PRLR: variants seen among roughly 807,000 people sequenced by gnomAD.
The protein encoded by PRLR is hPRL receptor.
PRLR carries 13 observed loss-of-function variants against 40.2 expected under a neutral mutation model. The observed-to-expected ratio is 0.32, with a 90% CI of 0.21 to 0.51. The LOEUF is 0.51. Ranked by LOEUF, PRLR falls within the 20% of genes least tolerant of loss-of-function variation. PRLR has a pLI of 0.97. For missense variants in PRLR, 656 were observed against 747.3 expected (o/e 0.88, Z 1.42); for synonymous variants, 269 against 278.7 (o/e 0.97, Z 0.35).
At chr5:35,139,280 G>A (rs1027646338) in intron 1 of PRLR, among the ~76,000 whole-genome samples, 2 of 151,962 alleles carry the variant, frequency 1.3e-5, no homozygotes, top group Non-Finnish European at 2.9e-5. Flanking sequence ...GATTACAGTC[G>A]TGCGCCACCA....
intron 2 of PRLR, among the ~76,000 whole-genome samples, chr5:35,116,147 GATCA>G (rs2111694681): frequency 6.6e-6 from 1 of 152,222 alleles, no homozygotes; most frequent in Non-Finnish European, 1.5e-5. Context: ...GGTCAGGGAA[GATCA>G]ATCAGAGGAA....
At chr5:35,120,758 C>T (rs569414191) in intron 1 of PRLR, among the ~76,000 whole-genome samples, 1 of 152,186 alleles carries the variant, frequency 6.6e-6, no homozygotes, top group Non-Finnish European at 1.5e-5. Flanking sequence ...GAGTACTGTG[C>T]TCATTTCCCT....
At chr5:35,212,729 C>T (rs1776201625) in intron 1 of PRLR, among the ~76,000 whole-genome samples, 1 of 152,102 alleles carries the variant, frequency 6.6e-6, no homozygotes, top group Non-Finnish European at 1.5e-5. Flanking sequence ...GCATGTAAAA[C>T]ATTGAATCCC....
intron 1 of PRLR, among the ~76,000 whole-genome samples, chr5:35,197,424 C>A (rs1775766263): frequency 6.6e-6 from 1 of 152,196 alleles, no homozygotes; most frequent in Non-Finnish European, 1.5e-5. Context: ...TGCGGGGTTC[C>A]CCCTGGGAAG....
rs932361492 is a variant in PRLR, at chr5:35,230,095, C to T, written c.-106+173G>A. On this transcript the variant is annotated intron_variant, in intron 1 of 9. Transcript: ENST00000618457. Reference sequence around the variant, plus strand: ...GGAGGCGGGCGGATCCCGGGCTTCCCCGCCGGCTGCCGACTCTGGCTCCTG... The same window carrying T: ...GGAGGCGGGCGGATCCCGGGCTTCCTCGCCGGCTGCCGACTCTGGCTCCTG... Among the ~76,000 whole-genome samples the T allele has an allele frequency of 5.3e-5, 8 of 152,234 alleles. No individual in the cohort carries two copies. The East Asian group carries it at 1.6e-3, about 30-fold the overall frequency.
intron 1 of PRLR, among the ~76,000 whole-genome samples, chr5:35,178,739 A>G (rs894959761): frequency 7.9e-5 from 12 of 152,184 alleles, no homozygotes; most frequent in Non-Finnish European, 1.6e-4. Flanking sequence ...TAGAAATACC[A>G]TATTTTTTAA....
At chr5:35,214,460 C>T (rs915483376) in intron 1 of PRLR, among the ~76,000 whole-genome samples, 3 of 152,210 alleles carry the variant, frequency 2.0e-5, no homozygotes, top group Non-Finnish European at 4.4e-5. Context: ...GGGGCAAACG[C>T]ATTGAGGATC....
At chr5:35,054,535 T>C (rs1768628202), downstream of PRLR, among the ~76,000 whole-genome samples, 1 of 152,208 alleles carries the variant, frequency 6.6e-6, no homozygotes, top group South Asian at 2.1e-4. Context: ...TATGTATATG[T>C]ACAATTACAG....
intron 3 of PRLR, among the ~76,000 whole-genome samples, 182 bp downstream of exon 3, chr5:35,089,369 C>T (rs1218408171): frequency 2.6e-5 from 4 of 152,172 alleles, no homozygotes; most frequent in African/African-American, 7.2e-5. Flanking sequence ...CAAGATTTTG[C>T]ATTAATTGCA....
intron 1 of PRLR, among the ~76,000 whole-genome samples, chr5:35,123,732 T>C (rs1424601569): frequency 6.6e-6 from 1 of 152,214 alleles, no homozygotes; most frequent in Non-Finnish European, 1.5e-5. Flanking sequence ...GCTTGAGGTC[T>C]TTTAGAATTT....
At chr5:35,119,838 C>A (rs12153029) in intron 1 of PRLR, among the ~76,000 whole-genome samples, 14 of 152,046 alleles carry the variant, frequency 9.2e-5, no homozygotes, top group Non-Finnish European at 1.3e-4. Flanking sequence ...AAGGGCTGTG[C>A]TGGGGGTGGG....
intron 2 of PRLR, among the ~76,000 whole-genome samples, chr5:35,105,844 G>C (rs919052945): frequency 2.6e-5 from 4 of 152,156 alleles, no homozygotes; most frequent in African/African-American, 9.7e-5. Flanking sequence ...TAGCAAGGCA[G>C]GCCAACATTC....
At chr5:35,120,259 G>T (rs1773240983) in intron 1 of PRLR, among the ~76,000 whole-genome samples, 2 of 152,036 alleles carry the variant, frequency 1.3e-5, no homozygotes, top group African/African-American at 4.8e-5. Flanking sequence ...GCTATCACTG[G>T]GCCCTGGCAA....
chr5:35,126,984 C>T (rs1341701109), intron 1 of PRLR, among the ~76,000 whole-genome samples: 2 of 152,180 alleles, frequency 1.3e-5, no homozygotes, highest in East Asian at 3.8e-4. Context: ...GCCTCTACTC[C>T]TCATGTAAGA....
At chr5:35,162,996 G>T (rs1420377866) in intron 1 of PRLR, among the ~76,000 whole-genome samples, 1 of 152,134 alleles carries the variant, frequency 6.6e-6, no homozygotes, top group Admixed American at 6.5e-5. Context: ...AGACAGCCAG[G>T]TGGGAAGGCG....
Position 35,072,712 on chromosome 5 carries a change from C to T in PRLR, c.406G>A (p.Glu136Lys). 5 of 1,614,122 alleles carry T rather than the reference C, an allele frequency of 3.1e-6. No individual in the cohort carries two copies. The highest frequency in any genetic ancestry group is 4.2e-6 in the Non-Finnish European group (5 of 1,180,004). ...TTTCTGTCTTCTGGCTGTTTTACTTCCACAGCCAGCTCCAAAGGAGGGTCT... is the reference window on the plus strand; with the variant it reads ...TTTCTGTCTTCTGGCTGTTTTACTTTCACAGCCAGCTCCAAAGGAGGGTCT... ...QPDPPLELAV[E>K]VKQPEDRKPY... Residue 136 changes from glutamate to lysine, a missense_variant, in exon 6 of 10, where the codon GAA (glutamate) becomes AAA (lysine). Physicochemically the swap from Glu to Lys is moderately conservative, Grantham distance 56. This residue lies in a region of PRLR where 180 missense variants were observed against 236.8 expected (regional missense o/e 0.76). Transcript: ENST00000618457.
chr5:35,049,235 A>T (rs1285466566), exon 9 of PRLR: 1 of 702,548 alleles, frequency 1.4e-6, no homozygotes, highest in Non-Finnish European at 2.6e-6. Context: ...CTGTGGTTGG[A>T]CAGAGGGGAG....
At chr5:35,093,617 T>G (rs1771357539) in intron 2 of PRLR, among the ~76,000 whole-genome samples, 1 of 152,180 alleles carries the variant, frequency 6.6e-6, no homozygotes, top group Non-Finnish European at 1.5e-5. Flanking sequence ...GATTCTGAGG[T>G]TCTTTTTAGC....
At position 35,062,471 on chromosome 5, in the gene PRLR, A is replaced by T. The variant is rs565688396; in HGVS notation, c.*2618T>A. The T allele has an allele frequency of 6.6e-6, 1 of 152,344 alleles. No individual in the cohort carries two copies. Among genetic ancestry groups the T allele is most frequent in the South Asian group, 2.1e-4 (1 of 4,828 alleles). 9.4% of individuals were successfully genotyped at this position (152,344 alleles called of 1,614,324 possible). A position where few individuals can be genotyped will look rare whatever the true frequency, so the allele number is the denominator to read the frequency against. On this transcript the variant is annotated 3_prime_UTR_variant, in exon 10 of 10. Transcript: ENST00000618457. The stretch of plus-strand genomic sequence containing the variant: ...TTTTGTTAGACCACAAAAAAGCTTA[A>T]TTCAGATAAACAGTGCTAATTGATC...
Sources: allele counts gnomAD v4.1 joint callset (sites outside exome capture counted in the v4.1 genomes callset), GRCh38; gene constraint gnomAD v4.1.1; regional missense constraint gnomAD v4.1.1; transcripts MANE v1.5; gene names NCBI Gene and HGNC (gene_info 2026-07-23, HGNC 2026-07-21).